Variants in FCGRT observed in about 807,000 individuals in gnomAD.
The protein encoded by FCGRT is IgG receptor FcRn large subunit p51.
In FCGRT, 13 loss-of-function variants were observed where a neutral mutation model predicts 35.7. That is an observed-to-expected ratio of 0.36 (90% CI 0.24 to 0.58). The LOEUF (loss-of-function observed/expected upper bound fraction) is 0.58. FCGRT is among the 20% of genes least tolerant of loss of function. FCGRT has a pLI of 0.77. For synonymous variants in FCGRT, 233 were observed against 216.5 expected, an observed-to-expected ratio of 1.08 and a Z score of -0.67; for missense variants, 455 against 474.9, an observed-to-expected ratio of 0.96 and a Z score of 0.39.
chr19:49,524,881 C>T lies in FCGRT; in HGVS notation c.871+105C>T, dbSNP rs2080064731. The T allele has an allele frequency of 3.5e-6, 4 of 1,154,452 alleles. No individual in the cohort carries two copies. In the East Asian group the frequency reaches 1.0e-4, roughly 29 times the overall value. The allele number at this position is 1,154,452 out of a possible 1,614,324, so 71.5% of individuals were successfully genotyped here. On this transcript the variant is annotated intron_variant, in intron 5 of 6. Coordinates refer to ENST00000221466, the MANE Select transcript of FCGRT (RefSeq NM_001136019.3). ...CCTTCCTCCCCACTGCTGCCACCTC[C>T]TTGAATCTGACTGCCTTGAACCTCA... is the stretch of plus-strand genomic sequence containing the variant.
chr19:49,521,154 G>A (rs73582441), intron 4 of FCGRT: 15,714 of 152,238 alleles, frequency 0.1, 985 homozygotes, highest in African/African-American at 0.16. Flanking sequence ...GGACTCCCAA[G>A]CTCAAGAGAT....
intron 2 of FCGRT, 36 bp from the exon 3 acceptor site, chr19:49,513,846 C>G (rs752579479): frequency 1.3e-6 from 2 of 1,547,538 alleles, no homozygotes; most frequent in Non-Finnish European, 1.7e-6. Context: ...TAGTTCCCCG[C>G]CCGTGTGCTC....
intron 6 of FCGRT, 130 bp from the exon 7 acceptor site, chr19:49,525,880 C>T (rs1010771006): frequency 2.6e-6 from 2 of 766,040 alleles, no homozygotes; most frequent in African/African-American, 1.7e-5. Flanking sequence ...GAAGGGGAGA[C>T]AAAGGCCCAG....
chr19:49,525,349 G>A (rs2080068035), intron 5 of FCGRT, 108 bp from the exon 6 acceptor site: 1 of 846,416 alleles, frequency 1.2e-6, no homozygotes, highest in Admixed American at 1.7e-5. Context: ...CAGACACTTG[G>A]TGCTGGAATC....
chr19:49,514,079 C>T lies in FCGRT; in HGVS notation c.271C>T (p.Leu91=), dbSNP rs771715578. The T allele has an allele frequency of 6.8e-6, 11 of 1,611,724 alleles. No individual in the cohort carries two copies. The Admixed American group carries it at 1.7e-4, about 24-fold the overall frequency. ...GTATTGGGAGAAAGAGACCACAGATCTGAGGATCAAGGAGAAGCTCTTTCT... is the reference window on the plus strand; with the variant it reads ...GTATTGGGAGAAAGAGACCACAGATTTGAGGATCAAGGAGAAGCTCTTTCT... ...SWYWEKETTD[L]RIKEKLFLEA... Residue 91 remains leucine, a synonymous_variant, in exon 3 of 7, where the codon CTG becomes TTG. Coordinates refer to ENST00000221466, the MANE Select transcript of FCGRT (RefSeq NM_001136019.3).
chr19:49,525,772 C>T (rs1224082836), intron 6 of FCGRT, among the ~76,000 whole-genome samples, 199 bp downstream of exon 6: 1 of 150,228 alleles, frequency 6.7e-6, no homozygotes, highest in Admixed American at 6.7e-5. Flanking sequence ...GGAACAGAGA[C>T]CCAGAGGGGA....
chr19:49,521,362 G>C (rs1330470692), intron 4 of FCGRT, among the ~76,000 whole-genome samples: 1 of 152,018 alleles, frequency 6.6e-6, no homozygotes, highest in Non-Finnish European at 1.5e-5. Flanking sequence ...ACGAGGTCAG[G>C]AGTTCAAGAC....
Position 49,519,945 on chromosome 19 carries a change from C to G in FCGRT, c.602-4562C>G, listed in dbSNP as rs1342347512. Among the ~76,000 whole-genome samples, 5 of 150,606 alleles carry G rather than the reference C, an allele frequency of 3.3e-5. No individual in the cohort carries two copies. In the Admixed American group the frequency reaches 3.3e-4, roughly 10 times the overall value. On this transcript the variant is annotated intron_variant, in intron 4 of 6. Transcript: ENST00000221466. ...TCCCAGGTTCAAGCGATTCTGCTGC[C>G]TCAGCCTCCTGAGTAGCTGGGATTA...
At chr19:49,524,480 T>G in intron 4 of FCGRT, 27 bp from the exon 5 acceptor site, 2 of 1,598,454 alleles carry the variant, frequency 1.3e-6, no homozygotes, top group Non-Finnish European at 1.7e-6. Context: ...GCTCGCGACT[T>G]AGGCCTGTCT....
intron 5 of FCGRT, 26 bp from the exon 6 acceptor site, chr19:49,525,431 C>T (rs780831224): frequency 6.4e-7 from 1 of 1,563,256 alleles, no homozygotes; most frequent in Non-Finnish European, 8.8e-7. Flanking sequence ...GGCTGCTCCA[C>T]ATCTCACAGC....
intron 4 of FCGRT, among the ~76,000 whole-genome samples, chr19:49,516,630 C>G (rs189566072): frequency 1.3e-5 from 2 of 151,388 alleles, no homozygotes; most frequent in Admixed American, 1.3e-4. Flanking sequence ...AATCTTGGCT[C>G]ACTGCAACCT....
At position 49,526,346 on chromosome 19, in the gene FCGRT, C is replaced by T. The variant is rs1343063189; in HGVS notation, c.*227C>T. 7.4e-6 allele frequency: 4 copies of T among 539,364 alleles called. No individual in the cohort carries two copies. Among genetic ancestry groups the T allele is most frequent in the Non-Finnish European group, 9.9e-6 (3 of 303,278 alleles). 33.4% of individuals were successfully genotyped at this position (539,364 alleles called of 1,614,324 possible). A position where few individuals can be genotyped will look rare whatever the true frequency, so the allele number is the denominator to read the frequency against. ...GTTTGGGCCCGAATCAGTGTGTTCT[C>T]ATCATTTTTCAGGCAGGGGAGGTAA... On this transcript the variant is annotated 3_prime_UTR_variant, in exon 7 of 7. Transcript: ENST00000221466.
intron 4 of FCGRT, among the ~76,000 whole-genome samples, chr19:49,523,843 G>C (rs1003732661): frequency 1.0e-4 from 15 of 144,152 alleles, no homozygotes; most frequent in Admixed American, 2.8e-4. Context: ...CTGGGAGACA[G>C]AGCAAGATTC....
chr19:49,521,683 T>C (rs1402571264), intron 4 of FCGRT: 1 of 150,722 alleles, frequency 6.6e-6, no homozygotes, highest in African/African-American at 2.4e-5. Flanking sequence ...TTTTTTTTTT[T>C]CTTTGAGACA....
At position 49,513,370 on chromosome 19, in the gene FCGRT, G is replaced by A; in HGVS notation, c.-14-17G>A. ...GGCCGGGGGTCGGGAGGAGTCACGT[G>A]CCCCCTCCCGCCCCAGGTCGTCCTC... On this transcript the variant is annotated splice_polypyrimidine_tract_variant and intron_variant, in intron 1 of 6. Coordinates refer to ENST00000221466, the MANE Select transcript of FCGRT (RefSeq NM_001136019.3). 1.1e-5 allele frequency: 13 copies of A among 1,175,950 alleles called. No homozygotes were observed. The highest frequency in any genetic ancestry group is 1.4e-5 in the Non-Finnish European group (13 of 926,786). The allele number at this position is 1,175,950 out of a possible 1,614,324, so 72.8% of individuals were successfully genotyped here. A position where few individuals can be genotyped will look rare whatever the true frequency, so the allele number is the denominator to read the frequency against.
intron 5 of FCGRT, 25 bp from the exon 6 acceptor site, chr19:49,525,432 A>C: frequency 6.4e-7 from 1 of 1,571,612 alleles, no homozygotes; most frequent in South Asian, 1.1e-5. Context: ...GCTGCTCCAC[A>C]TCTCACAGCG....
At chr19:49,516,746 G>A (rs373256712) in intron 4 of FCGRT, among the ~76,000 whole-genome samples, 12 of 150,772 alleles carry the variant, frequency 8.0e-5, no homozygotes, top group African/African-American at 2.9e-4. Flanking sequence ...TAGTAGAGAC[G>A]GGGGCTTCAC....
intron 4 of FCGRT, chr19:49,516,201 T>C (rs1301994428): frequency 4.5e-6 from 2 of 443,910 alleles, no homozygotes; most frequent in South Asian, 1.6e-5. Context: ...CTCAACCAGG[T>C]AGTTTTTCTT....
At chr19:49,522,454 G>A (rs1208360032) in intron 4 of FCGRT, among the ~76,000 whole-genome samples, 1 of 146,834 alleles carries the variant, frequency 6.8e-6, no homozygotes, top group Non-Finnish European at 1.5e-5. Flanking sequence ...TTTTTTTTGA[G>A]ACAGTCTTGC....
Sources: allele counts gnomAD v4.1 joint callset (sites outside exome capture counted in the v4.1 genomes callset), GRCh38; gene constraint gnomAD v4.1.1; transcripts MANE v1.5; gene names NCBI Gene and HGNC (gene_info 2026-07-23, HGNC 2026-07-21).